PPT1: variants seen among roughly 807,000 people sequenced by gnomAD.
The protein encoded by PPT1 is ceroid-palmitoyl-palmitoyl-protein thioesterase 1.
In PPT1, 24 loss-of-function variants were observed where a neutral mutation model predicts 44.0. That is an observed-to-expected ratio of 0.54 (90% CI 0.39 to 0.77). The LOEUF (loss-of-function observed/expected upper bound fraction) is 0.77, where lower values mean the gene tolerates loss of function less well. PPT1 is among the 30% of genes least tolerant of loss of function. The pLI is 0.00. For missense variants in PPT1, 341 were observed against 378.8 expected, an observed-to-expected ratio of 0.90 and a Z score of 0.83; for synonymous variants, 148 against 140.2, an observed-to-expected ratio of 1.06 and a Z score of -0.39.
At chr1:40,077,132 A>G (rs909023128) in intron 7 of PPT1, among the ~76,000 whole-genome samples, 4 of 152,270 alleles carry the variant, frequency 2.6e-5, no homozygotes, top group African/African-American at 9.6e-5. Flanking sequence ...CCACTTCCCC[A>G]GAATTTCTGC....
At chr1:40,080,128 C>T (rs1432462052) in intron 6 of PPT1, among the ~76,000 whole-genome samples, 1 of 152,180 alleles carries the variant, frequency 6.6e-6, no homozygotes, top group Non-Finnish European at 1.5e-5. Flanking sequence ...CTGTGAATTT[C>T]CACCTCGCCC....
rs1420273741 is a variant in PPT1 at position 40,094,420 on chromosome 1, A to T, written c.125-1913T>A. ...CTCATGGTGGTAAGGCTGCAGGCTC[A>T]CTCACCTCCTGCTGTGTGGCTAGTT... is the stretch of plus-strand genomic sequence containing the variant. On this transcript the variant is annotated intron_variant, in intron 1 of 8. Coordinates refer to ENST00000642050, the MANE Select transcript of PPT1 (RefSeq NM_000310.4). Among the ~76,000 whole-genome samples, 4 of 99,596 alleles carry T rather than the reference A, an allele frequency of 4.0e-5. No individual in the cohort carries two copies. The East Asian group carries it at 1.3e-3, about 31-fold the overall frequency. 65.3% of individuals were successfully genotyped at this position (99,596 alleles called of 152,430 possible). A position where few individuals can be genotyped will look rare whatever the true frequency, so the allele number is the denominator to read the frequency against.
chr1:40,074,765 G>A (rs1052768967), intron 8 of PPT1, among the ~76,000 whole-genome samples: 21 of 151,462 alleles, frequency 1.4e-4, no homozygotes, highest in African/African-American at 4.6e-4. Flanking sequence ...CACCACACCC[G>A]GCCAGTTTTT....
At position 40,078,650 on chromosome 1, in the gene PPT1, A is replaced by G; in HGVS notation, c.636T>C (p.Asn212=). The G allele has an allele frequency of 6.2e-7, 1 of 1,612,862 alleles. No individual in the cohort carries two copies. Among genetic ancestry groups the G allele is most frequent in the South Asian group, 1.1e-5 (1 of 91,064 alleles). ...LADINQERGI[N]ESYKKNLMAL... is the part of the protein sequence containing the mutation. ...CCATCAGGTTTTTCTTGTAGGACTC[A>G]TTGATACCCTGAAAGAAAGGCCAGC... Residue 212 remains asparagine (N), a synonymous_variant, in exon 7 of 9, where the codon AAT becomes AAC. Coordinates refer to ENST00000642050, the MANE Select transcript of PPT1 (RefSeq NM_000310.4).
chr1:40,086,221 A>C (rs1649255236), intron 5 of PPT1, among the ~76,000 whole-genome samples: 2 of 152,148 alleles, frequency 1.3e-5, no homozygotes, highest in African/African-American at 4.8e-5. Context: ...GGGAGTGTAG[A>C]GGTAGGAGGG....
chr1:40,079,088 T>C (rs1408315585), intron 6 of PPT1, among the ~76,000 whole-genome samples: 5 of 152,168 alleles, frequency 3.3e-5, no homozygotes, highest in African/African-American at 1.2e-4. Flanking sequence ...AGTGAGAACA[T>C]GTGATATTTG....
At chr1:40,087,287 G>C (rs953988133) in intron 5 of PPT1, among the ~76,000 whole-genome samples, 1 of 151,928 alleles carries the variant, frequency 6.6e-6, no homozygotes, top group African/African-American at 2.4e-5. Flanking sequence ...CTGTCATCTA[G>C]GTTGGGGTGC....
In PPT1 at chr1:40,088,064, A is replaced by G. The variant is rs1342788937; in HGVS notation, c.536+1346T>C. On this transcript the variant is annotated intron_variant, in intron 5 of 8. Transcript: ENST00000642050. ...AAAGTTGTTATTTGACAAGAATGAG[A>G]CACTTGGAAAACCCACAGGATATTA... is the stretch of plus-strand genomic sequence containing the variant. 3.3e-5 allele frequency among the ~76,000 whole-genome samples: 5 copies of G among 152,230 alleles called. No individual in the cohort carries two copies. In the East Asian group the frequency reaches 9.6e-4, roughly 29 times the overall value.
chr1:40,091,642 C>T (rs184434462), intron 3 of PPT1, among the ~76,000 whole-genome samples: 207 of 152,156 alleles, frequency 1.4e-3, no homozygotes, highest in African/African-American at 4.9e-3. Context: ...GGTGGGTGGA[C>T]TACCTGAGGT....
intron 6 of PPT1, 163 bp from the exon 7 acceptor site, chr1:40,078,821 T>C (rs1325362535): frequency 1.4e-5 from 8 of 570,700 alleles, no homozygotes; most frequent in Admixed American, 5.0e-5. Flanking sequence ...CCTGTACAGC[T>C]TTTTTTTTTC....
chr1:40,081,566 ATAG>A (rs1176260909), intron 5 of PPT1, among the ~76,000 whole-genome samples: 1 of 6,458 alleles, frequency 1.5e-4, no homozygotes, highest in Non-Finnish European at 3.9e-4. Context: ...AAATAAATAA[ATAG>A]AAAATAAAAT....
chr1:40,096,781 G>T (rs768229229), intron 1 of PPT1: 7 of 343,198 alleles, frequency 2.0e-5, no homozygotes, highest in Non-Finnish European at 3.9e-5. Context: ...GGGTAGATGC[G>T]CCAGTCATAT....
At chr1:40,078,064 TG>T (rs1648719130) in intron 7 of PPT1, among the ~76,000 whole-genome samples, 1 of 152,192 alleles carries the variant, frequency 6.6e-6, no homozygotes, top group Non-Finnish European at 1.5e-5. Context: ...ATTTTGGGGT[TG>T]GGGGATTGAT....
intron 1 of PPT1, among the ~76,000 whole-genome samples, chr1:40,092,894 T>C (rs1649646801): frequency 6.6e-6 from 1 of 152,152 alleles, no homozygotes; most frequent in African/African-American, 2.4e-5. Flanking sequence ...GTCAACGATG[T>C]AGAAAAATGG....
chr1:40,074,820 G>A (rs1478521078), intron 8 of PPT1, among the ~76,000 whole-genome samples: 1 of 152,122 alleles, frequency 6.6e-6, no homozygotes, highest in Non-Finnish European at 1.5e-5. Context: ...GCTCTATACA[G>A]TGTTCTAGAT....
In PPT1 at chr1:40,074,042, A is replaced by G. The variant is rs1276900557; in HGVS notation, c.*19T>C. 1.9e-6 allele frequency: 3 copies of G among 1,613,996 alleles called. No individual in the cohort carries two copies. Among genetic ancestry groups the G allele is most frequent in the Admixed American group, 1.7e-5 (1 of 60,012 alleles). On this transcript the variant is annotated 3_prime_UTR_variant, in exon 9 of 9. Transcript: ENST00000642050. Reference sequence around the variant, plus strand: ...AAGAGTTAGGGGCTCCCTGAGCTCTATTGTGAACTATACGGGTTTCATCCA... The same window carrying G: ...AAGAGTTAGGGGCTCCCTGAGCTCTGTTGTGAACTATACGGGTTTCATCCA...
At chr1:40,076,522 G>T in intron 8 of PPT1, 1 of 839,990 alleles carries the variant, frequency 1.2e-6, no homozygotes, top group Non-Finnish European at 1.4e-6. Context: ...ATTTGTAGCA[G>T]ACTGTACCTC....
chr1:40,087,536 C>G (rs1649327053), intron 5 of PPT1, among the ~76,000 whole-genome samples: 1 of 152,026 alleles, frequency 6.6e-6, no homozygotes, highest in South Asian at 2.1e-4. Flanking sequence ...AGCCACTGCG[C>G]CCCGCCTTAA....
At chr1:40,091,241 G>C in intron 4 of PPT1, 88 bp downstream of exon 4, 2 of 1,336,458 alleles carry the variant, frequency 1.5e-6, no homozygotes, top group South Asian at 1.2e-5. Flanking sequence ...CTGATGTCTT[G>C]TGCAAATATA....
Sources: allele counts gnomAD v4.1 joint callset (sites outside exome capture counted in the v4.1 genomes callset), GRCh38; gene constraint gnomAD v4.1.1; transcripts MANE v1.5; gene names NCBI Gene and HGNC (gene_info 2026-07-23, HGNC 2026-07-21).